Variants in GPSM2 observed in about 807,000 individuals in gnomAD.
The protein encoded by GPSM2 is G protein-signaling modulator 2.
In GPSM2, 58 loss-of-function variants were observed where a neutral mutation model predicts 78.4. The ratio of observed to expected loss-of-function variants is 0.74; its 90% confidence interval spans 0.60 to 0.92. The LOEUF (loss-of-function observed/expected upper bound fraction) is 0.92, where lower values mean the gene tolerates loss of function less well. Ranked by LOEUF, GPSM2 falls within the 40% of genes least tolerant of loss-of-function variation. GPSM2 has a pLI of 0.00. For missense variants in GPSM2, 700 were observed against 815.5 expected (o/e 0.86, Z 1.73); for synonymous variants, 224 against 280.2 (o/e 0.80, Z 2.00).
chr1:108,899,395 G>A (rs1648624055), intron 7 of GPSM2, among the ~76,000 whole-genome samples: 1 of 152,094 alleles, frequency 6.6e-6, no homozygotes, highest in East Asian at 1.9e-4. Flanking sequence ...TTAGAAGAGA[G>A]GCCAAAAGAA....
rs924309686 is a variant in GPSM2 at position 108,897,943 on chromosome 1, T to C, written c.415-16T>C. 1 of 1,612,518 alleles carries C rather than the reference T, an allele frequency of 6.2e-7. No individual in the cohort carries two copies. The highest frequency in any genetic ancestry group is 1.1e-5 in the South Asian group (1 of 91,018). The stretch of plus-strand genomic sequence containing the variant: ...TCTGTTTTCAAAATGTAAACTTTGC[T>C]GATGTCTTCATTTAGGTGGGAGAAG... On this transcript the variant is annotated splice_polypyrimidine_tract_variant and intron_variant, in intron 4 of 14. Transcript: ENST00000264126.
At chr1:108,892,300 A>G (rs767285692) in intron 2 of GPSM2, among the ~76,000 whole-genome samples, 3 of 152,210 alleles carry the variant, frequency 2.0e-5, no homozygotes, top group Non-Finnish European at 1.5e-5. Flanking sequence ...TATGTTTTGC[A>G]TTCACTGACG....
intron 10 of GPSM2, chr1:108,909,982 A>C (rs1032695390): frequency 4.1e-5 from 6 of 144,770 alleles, no homozygotes; most frequent in African/African-American, 1.3e-4. Context: ...ACAAACAAAC[A>C]AAAAAAAACA....
Position 108,931,561 on chromosome 1 carries a change from C to A in GPSM2, c.*1621C>A. The stretch of plus-strand genomic sequence containing the variant: ...AGGTGATTTGGATGGGCAAATAGAA[C>A]TATTTCTCTAATGGCCAATGTTTTT... On this transcript the variant is annotated 3_prime_UTR_variant, in exon 15 of 15. Coordinates refer to ENST00000264126, the MANE Select transcript of GPSM2 (RefSeq NM_013296.5). 6.9e-7 allele frequency: 1 copy of A among 1,456,450 alleles called. No homozygotes were observed. The highest frequency in any genetic ancestry group is 1.4e-5 in the South Asian group (1 of 71,862). The allele number at this position is 1,456,450 out of a possible 1,614,324, so 90.2% of individuals were successfully genotyped here.
intron 1 of GPSM2, among the ~76,000 whole-genome samples, chr1:108,881,809 C>T (rs959440832): frequency 3.3e-5 from 5 of 152,108 alleles, no homozygotes; most frequent in Admixed American, 6.5e-5. Context: ...AAATATTTTG[C>T]AACTTTATTT....
At chr1:108,911,294 G>A (rs111984593) in intron 10 of GPSM2, among the ~76,000 whole-genome samples, 3 of 152,220 alleles carry the variant, frequency 2.0e-5, no homozygotes, top group Admixed American at 6.5e-5. Context: ...TTGGGATGCC[G>A]AGGCTGGTGG....
At chr1:108,885,079 C>T (rs1449074633) in intron 1 of GPSM2, among the ~76,000 whole-genome samples, 196 bp from the exon 2 acceptor site, 1 of 152,104 alleles carries the variant, frequency 6.6e-6, no homozygotes, top group Non-Finnish European at 1.5e-5. Flanking sequence ...TTAAAAATTA[C>T]AGTTCTCAAA....
chr1:108,919,099 C>T (rs1489852936), intron 12 of GPSM2, among the ~76,000 whole-genome samples: 1 of 151,964 alleles, frequency 6.6e-6, no homozygotes, highest in Non-Finnish European at 1.5e-5. Flanking sequence ...CCTCTGCCTC[C>T]CGGGTTCAAG....
chr1:108,908,964 G>A (rs901573521), intron 10 of GPSM2, among the ~76,000 whole-genome samples: 3 of 151,782 alleles, frequency 2.0e-5, no homozygotes, highest in African/African-American at 7.3e-5. Context: ...CAGGGAGACC[G>A]CCATCTCTCC....
chr1:108,884,498 G>A (rs1362227257), intron 1 of GPSM2, among the ~76,000 whole-genome samples: 2 of 152,144 alleles, frequency 1.3e-5, no homozygotes, highest in Admixed American at 1.3e-4. Context: ...CAGAAACAAC[G>A]TTCAGCAAAA....
In GPSM2 at chr1:108,918,797, T is replaced by A. The variant is rs1378825749; in HGVS notation, c.1440+8T>A. 1 of 1,599,482 alleles carries A rather than the reference T, an allele frequency of 6.3e-7. No homozygotes were observed. The stretch of plus-strand genomic sequence containing the variant: ...ATTCCAAATTCTCAGAGGGTACGTT[T>A]AAACTAAGTTTTTGAGTATTGTGTT... On this transcript the variant is annotated splice_region_variant and intron_variant, in intron 12 of 14. Transcript: ENST00000264126.
At chr1:108,916,397 T>C (rs1650235261) in intron 11 of GPSM2, among the ~76,000 whole-genome samples, 1 of 152,234 alleles carries the variant, frequency 6.6e-6, no homozygotes, top group South Asian at 2.1e-4. Context: ...AATCTAATTG[T>C]GTGAGAATCA....
chr1:108,911,282 C>T (rs1446909644), intron 10 of GPSM2, among the ~76,000 whole-genome samples: 5 of 152,156 alleles, frequency 3.3e-5, no homozygotes, highest in African/African-American at 1.2e-4. Flanking sequence ...AATCCCAGCA[C>T]TTTGGGATGC....
intron 13 of GPSM2, among the ~76,000 whole-genome samples, chr1:108,923,319 C>G (rs139377721): frequency 6.6e-6 from 1 of 152,258 alleles, no homozygotes; most frequent in East Asian, 1.9e-4. Flanking sequence ...CAGGCATGAG[C>G]TACTGTGCCC....
At chr1:108,913,244 A>G (rs550078749) in intron 10 of GPSM2, among the ~76,000 whole-genome samples, 60 of 152,344 alleles carry the variant, frequency 3.9e-4, no homozygotes, top group Non-Finnish European at 7.3e-4. Context: ...ATGCTTGTTC[A>G]TGTACACTGA....
In GPSM2 at chr1:108,914,365, A is replaced by C; in HGVS notation, c.1220A>C (p.His407Pro). The stretch of plus-strand genomic sequence containing the variant: ...GTACGCCCCAAGTTGGGACGCCGGC[A>C]TAGTATGGAAAATATGGAACTTATG... ...NGVRPKLGRR[H>P]SMENMELMKL... Residue 407 changes from histidine (H) to proline (P), a missense_variant, in exon 11 of 15, where the codon CAT becomes CCT. Physicochemically the swap from His to Pro is moderately conservative, Grantham distance 77. Transcript: ENST00000264126. 2 of 1,612,996 alleles carry C rather than the reference A, an allele frequency of 1.2e-6. No homozygotes were observed. The highest frequency in any genetic ancestry group is 1.7e-6 in the Non-Finnish European group (2 of 1,179,102).
At chr1:108,916,393 A>G (rs77324162) in intron 11 of GPSM2, among the ~76,000 whole-genome samples, 4,222 of 152,318 alleles carry the variant, frequency 0.028, 103 homozygotes, top group Non-Finnish European at 0.041. Flanking sequence ...CCAAAATCTA[A>G]TTGTGTGAGA....
chr1:108,905,753 C>T (rs1338828456), intron 10 of GPSM2, among the ~76,000 whole-genome samples: 1 of 152,006 alleles, frequency 6.6e-6, no homozygotes, highest in East Asian at 1.9e-4. Context: ...TCAGTGCTTC[C>T]AATAGAACTT....
chr1:108,897,904 T>G, intron 4 of GPSM2, 55 bp from the exon 5 acceptor site: 2 of 1,574,866 alleles, frequency 1.3e-6, no homozygotes, highest in Non-Finnish European at 1.7e-6. Flanking sequence ...CAAATATATA[T>G]GATAAACCTG....
Sources: gnomAD v4.1 joint callset for allele counts (sites outside exome capture counted in the v4.1 genomes callset) on GRCh38, gnomAD v4.1.1 for gene constraint, MANE v1.5 for transcripts, NCBI Gene and HGNC (gene_info 2026-07-23, HGNC 2026-07-21) for gene names.